Variants in STRN3 observed in about 807,000 individuals in gnomAD.
STRN3 encodes striatin 3.
Under a neutral mutation model 95.6 loss-of-function variants are expected in STRN3, and 29 were observed. That is an observed-to-expected ratio of 0.30 (90% confidence interval 0.23 to 0.41). STRN3 has a LOEUF of 0.41. Among genes scored for constraint, STRN3 ranks in the 10% least tolerant of loss-of-function variants. STRN3 has a pLI of 1.00. For synonymous variants in STRN3, 331 were observed against 357.6 expected (o/e 0.93, Z 0.84); for missense variants, 890 against 972.1 (o/e 0.92, Z 1.12).
Position 30,947,068 on chromosome 14 carries a change from CTA to C in STRN3, c.716+20_716+21del. 4 of 1,494,648 alleles carry C rather than the reference CTA, an allele frequency of 2.7e-6. No homozygotes were observed. Among genetic ancestry groups the C allele is most frequent in the Non-Finnish European group, 3.6e-6 (4 of 1,114,434 alleles). The allele number at this position is 1,494,648 out of a possible 1,614,324, so 92.6% of individuals were successfully genotyped here. On this transcript the variant is annotated intron_variant, in intron 5 of 17. Coordinates refer to ENST00000357479, the MANE Select transcript of STRN3 (RefSeq NM_001083893.2). Reference sequence around the variant, plus strand: ...ATATCCATAATATCCATTATATAAACTATGTTAAGTATAAATCATACCTTTTT... The same window carrying C: ...ATATCCATAATATCCATTATATAAACTGTTAAGTATAAATCATACCTTTTT...
intron 14 of STRN3, among the ~76,000 whole-genome samples, chr14:30,905,864 A>G (rs576299379): frequency 1.3e-5 from 2 of 152,358 alleles, no homozygotes; most frequent in East Asian, 3.9e-4. Flanking sequence ...GGGATTAAAT[A>G]AAATCCTAGT....
chr14:31,009,102 T>C (rs1266787254), intron 1 of STRN3, among the ~76,000 whole-genome samples: 3 of 152,046 alleles, frequency 2.0e-5, no homozygotes, highest in Non-Finnish European at 4.4e-5. Context: ...TGTAGATCTA[T>C]GTATACTGAA....
chr14:31,017,200 G>A (rs374865032), intron 1 of STRN3, among the ~76,000 whole-genome samples: 9 of 150,946 alleles, frequency 6.0e-5, no homozygotes, highest in Middle Eastern at 3.5e-3. Context: ...ATAGCATTTA[G>A]ATTATATAAG....
At chr14:30,953,298 C>T (rs1425840808) in intron 3 of STRN3, among the ~76,000 whole-genome samples, 2 of 152,160 alleles carry the variant, frequency 1.3e-5, no homozygotes, top group Non-Finnish European at 2.9e-5. Flanking sequence ...TTGTGCCCTC[C>T]AGTCACTAGC....
chr14:31,022,098 G>A (rs149924039), intron 1 of STRN3, among the ~76,000 whole-genome samples: 33 of 152,154 alleles, frequency 2.2e-4, no homozygotes, highest in African/African-American at 8.0e-4. Flanking sequence ...AATCACTGTC[G>A]GCCGGGCGCG....
intron 8 of STRN3, 35 bp from the exon 9 acceptor site, chr14:30,919,141 A>G (rs1321777310): frequency 2.2e-5 from 34 of 1,558,336 alleles, no homozygotes; most frequent in Non-Finnish European, 3.0e-5. Flanking sequence ...GGTTCATTTA[A>G]TGGCTACCGC....
chr14:30,989,781 C>T (rs778452278), intron 1 of STRN3, among the ~76,000 whole-genome samples: 15 of 151,206 alleles, frequency 9.9e-5, no homozygotes, highest in Non-Finnish European at 1.5e-4. Context: ...TATAGCCAGA[C>T]GGTAGGAGAT....
At chr14:30,948,372 G>A (rs1879470823) in intron 4 of STRN3, among the ~76,000 whole-genome samples, 1 of 152,158 alleles carries the variant, frequency 6.6e-6, no homozygotes, top group Non-Finnish European at 1.5e-5. Flanking sequence ...GGTAATATTT[G>A]AAGCCATGGA....
At chr14:30,915,318 CTTG>C (rs780890543) in intron 9 of STRN3, among the ~76,000 whole-genome samples, 14 of 152,050 alleles carry the variant, frequency 9.2e-5, no homozygotes, top group Non-Finnish European at 1.8e-4. Context: ...CTTAGAATAT[CTTG>C]TTATTTTATT....
chr14:30,965,785 A>C (rs1328983947), intron 1 of STRN3, among the ~76,000 whole-genome samples: 2 of 151,834 alleles, frequency 1.3e-5, no homozygotes, highest in African/African-American at 4.8e-5. Context: ...AAAAAAAAAA[A>C]AAAACAACAA....
intron 1 of STRN3, among the ~76,000 whole-genome samples, chr14:31,024,165 T>C (rs933668416): frequency 1.3e-5 from 2 of 152,184 alleles, no homozygotes; most frequent in Non-Finnish European, 2.9e-5. Context: ...TAGTGAAGTT[T>C]ATGGGTGAAA....
rs183156455 is a variant in STRN3 at position 30,933,989 on chromosome 14, A to T, written c.988+1174T>A. Among the ~76,000 whole-genome samples the T allele has an allele frequency of 4.4e-3, 670 of 152,330 alleles. 3 individuals are homozygous for T. Among genetic ancestry groups the T allele is most frequent in the Middle Eastern group, 6.8e-3 (2 of 294 alleles). Reference sequence around the variant, plus strand: ...GTTTTTTAAAAAAAATCTAGTGATTATTCCTCTAGCTTGTAATTAAGCAAA... The same window carrying T: ...GTTTTTTAAAAAAAATCTAGTGATTTTTCCTCTAGCTTGTAATTAAGCAAA... On this transcript the variant is annotated intron_variant, in intron 7 of 17. Transcript: ENST00000357479.
At chr14:30,919,560 G>A (rs1411165734) in intron 8 of STRN3, among the ~76,000 whole-genome samples, 3 of 152,160 alleles carry the variant, frequency 2.0e-5, no homozygotes, top group Admixed American at 6.5e-5. Flanking sequence ...GAATAAGTAC[G>A]AGTAATTTTT....
chr14:30,995,495 T>C (rs1055927576), intron 1 of STRN3, among the ~76,000 whole-genome samples: 4 of 152,218 alleles, frequency 2.6e-5, no homozygotes, highest in African/African-American at 9.7e-5. Flanking sequence ...ATTAGCTGCC[T>C]TTTGAATATC....
intron 1 of STRN3, among the ~76,000 whole-genome samples, chr14:31,005,565 T>C (rs1409945748): frequency 6.6e-6 from 1 of 152,214 alleles, no homozygotes; most frequent in Non-Finnish European, 1.5e-5. Context: ...CATAGTGAAT[T>C]GGGGTCTCGA....
chr14:30,929,968 A>AAAAAAAAAAAAAAAAAAAAAAAAAAAC (rs1878438058), intron 7 of STRN3, among the ~76,000 whole-genome samples: 3 of 121,838 alleles, frequency 2.5e-5, no homozygotes, highest in Non-Finnish European at 3.7e-5. Flanking sequence ...AAAAAAAAAA[A>AAAAAAAAAAAAAAAAAAAAAAAAAAAC]AAAAAAAAAA....
chr14:30,944,587 GCACATACA>G (rs1879268408), intron 5 of STRN3, among the ~76,000 whole-genome samples: 1 of 131,840 alleles, frequency 7.6e-6, no homozygotes, highest in South Asian at 2.7e-4. Flanking sequence ...ACAGACACAC[GCACATACA>G]TATATATATA....
chr14:30,935,943 G>A (rs773051631), intron 6 of STRN3, among the ~76,000 whole-genome samples: 2 of 152,130 alleles, frequency 1.3e-5, no homozygotes, highest in South Asian at 4.1e-4. Flanking sequence ...TTGAAATGCT[G>A]TACACTACTT....
intron 12 of STRN3, among the ~76,000 whole-genome samples, chr14:30,911,550 G>A (rs1354502879): frequency 1.3e-5 from 2 of 151,938 alleles, no homozygotes; most frequent in African/African-American, 2.4e-5. Flanking sequence ...TGATCTGCCC[G>A]CCTCAGCCTC....
Sources: gnomAD v4.1 joint callset for allele counts (sites outside exome capture counted in the v4.1 genomes callset) on GRCh38, gnomAD v4.1.1 for gene constraint, MANE v1.5 for transcripts, NCBI Gene and HGNC (gene_info 2026-07-23, HGNC 2026-07-21) for gene names.